Variants in ARHGAP18 observed in about 807,000 individuals in gnomAD.
The protein encoded by ARHGAP18 is rho GTPase-activating protein 18.
Under a neutral mutation model 86.2 loss-of-function variants are expected in ARHGAP18, and 67 were observed. That is an observed-to-expected ratio of 0.78 (90% CI 0.64 to 0.95). The LOEUF is 0.95. Ranked by LOEUF, ARHGAP18 falls within the 40% of genes least tolerant of loss-of-function variation. The pLI, the probability that ARHGAP18 is intolerant of heterozygous loss-of-function variation, is 0.00. For synonymous variants in ARHGAP18, 283 were observed against 280.4 expected, an observed-to-expected ratio of 1.01 and a Z score of -0.09; for missense variants, 691 against 780.4, an observed-to-expected ratio of 0.89 and a Z score of 1.37.
intron 1 of ARHGAP18, among the ~76,000 whole-genome samples, chr6:129,652,142 C>A (rs1175733526): frequency 6.6e-6 from 1 of 152,206 alleles, no homozygotes; most frequent in East Asian, 1.9e-4. Flanking sequence ...ACTGAGACAC[C>A]CTTCCTGGCA....
At chr6:129,612,147 C>G (rs1353189510) in intron 7 of ARHGAP18, among the ~76,000 whole-genome samples, 1 of 152,170 alleles carries the variant, frequency 6.6e-6, no homozygotes. Flanking sequence ...AATGAATACG[C>G]TGATCTAACT....
At chr6:129,668,385 CACACACACACACACAG>C (rs1168316437) in intron 1 of ARHGAP18, among the ~76,000 whole-genome samples, 7 of 151,010 alleles carry the variant, frequency 4.6e-5, no homozygotes, top group South Asian at 2.1e-4. Context: ...CACACACACA[CACACACACACACACAG>C]ACACACACAC....
At chr6:129,644,357 A>T (rs1198496543) in intron 1 of ARHGAP18, among the ~76,000 whole-genome samples, 6 of 152,192 alleles carry the variant, frequency 3.9e-5, no homozygotes, top group Non-Finnish European at 7.3e-5. Flanking sequence ...CATGTAAATG[A>T]GAAAGTCATC....
rs746819538 is a variant in ARHGAP18 at position 129,618,768 on chromosome 6, C to T, written c.871G>A (p.Ala291Thr). 1.2e-6 allele frequency: 2 copies of T among 1,613,754 alleles called. No homozygotes were observed. Among genetic ancestry groups the T allele is most frequent in the Non-Finnish European group, 1.7e-6 (2 of 1,179,912 alleles). ...PQDMKKVCHLALIELTALYDV... is the reference protein window; with the variant it reads ...PQDMKKVCHLTLIELTALYDV... ...TAGAGGGCAGTCAGCTCAATTAGGG[C>T]TAAATGGCAAACTTTCTTCATGTCC... The change falls in exon 6 of 15, where the codon GCC becomes ACC. Residue 291 changes from alanine to threonine, a missense_variant. Ala to Thr is a moderately conservative substitution (Grantham distance 58). Transcript: ENST00000368149.
At chr6:129,666,696 A>T (rs1246280218) in intron 1 of ARHGAP18, among the ~76,000 whole-genome samples, 1 of 152,184 alleles carries the variant, frequency 6.6e-6, no homozygotes, top group East Asian at 1.9e-4. Flanking sequence ...ACTGATTTAC[A>T]TCCTGACTAT....
chr6:129,618,793 C>G lies in ARHGAP18; in HGVS notation c.846G>C (p.Gln282His). 18 of 1,613,610 alleles carry G rather than the reference C, an allele frequency of 1.1e-5. No homozygotes were observed. Among genetic ancestry groups the G allele is most frequent in the Non-Finnish European group, 1.4e-5 (17 of 1,179,910 alleles). ...GTTRIGDLAP[Q>H]DMKKVCHLAL... is the part of the protein sequence containing the mutation. The stretch of plus-strand genomic sequence containing the variant: ...CTAAATGGCAAACTTTCTTCATGTC[C>G]TGGGGTGCGAGGTCACCAATCCTTG... Residue 282 changes from glutamine (Q) to histidine (H), a missense_variant, in exon 6 of 15, where the codon CAG (glutamine) becomes CAC (histidine). Coordinates refer to ENST00000368149, the MANE Select transcript of ARHGAP18 (RefSeq NM_033515.3).
chr6:129,638,761 A>T (rs1015321012), intron 2 of ARHGAP18, 132 bp from the exon 3 acceptor site: 3 of 788,962 alleles, frequency 3.8e-6, no homozygotes, highest in Middle Eastern at 2.9e-4. Flanking sequence ...ATTATCTAAA[A>T]CTTGGACAAC....
At chr6:129,650,912 C>T (rs1773698130) in intron 1 of ARHGAP18, among the ~76,000 whole-genome samples, 1 of 152,176 alleles carries the variant, frequency 6.6e-6, no homozygotes, top group South Asian at 2.1e-4. Flanking sequence ...AATAAGCTTG[C>T]TTCTGCAGCC....
chr6:129,697,945 G>C (rs540882895), intron 1 of ARHGAP18, among the ~76,000 whole-genome samples: 1 of 152,230 alleles, frequency 6.6e-6, no homozygotes, highest in East Asian at 1.9e-4. Flanking sequence ...TATAGAATAC[G>C]TTGATCGAGT....
intron 1 of ARHGAP18, among the ~76,000 whole-genome samples, chr6:129,706,788 G>A (rs1019687379): frequency 1.4e-5 from 2 of 147,998 alleles, no homozygotes; most frequent in Admixed American, 1.4e-4. Context: ...TTGGGAGGCT[G>A]AAGCAGGAGA....
chr6:129,705,864 T>C (rs1348259849), intron 1 of ARHGAP18, among the ~76,000 whole-genome samples: 1 of 152,194 alleles, frequency 6.6e-6, no homozygotes, highest in Non-Finnish European at 1.5e-5. Flanking sequence ...GTCACACTGC[T>C]AATGAATGAG....
intron 7 of ARHGAP18, among the ~76,000 whole-genome samples, chr6:129,615,630 C>T (rs9398909): frequency 0.44 from 66,243 of 152,022 alleles, 14,770 homozygotes; most frequent in Middle Eastern, 0.49. Context: ...TGTGCATTCC[C>T]TAGCTTTTCT....
intron 1 of ARHGAP18, among the ~76,000 whole-genome samples, chr6:129,706,778 T>C (rs1280134717): frequency 1.3e-5 from 2 of 149,724 alleles, no homozygotes; most frequent in South Asian, 2.1e-4. Context: ...TCCCAGCTGC[T>C]TGGGAGGCTG....
chr6:129,627,914 CTT>C (rs1215390326), intron 5 of ARHGAP18, among the ~76,000 whole-genome samples: 18 of 152,058 alleles, frequency 1.2e-4, no homozygotes, highest in Admixed American at 1.1e-3. Flanking sequence ...AAAATCCCCT[CTT>C]TGTCTTTTAG....
intron 9 of ARHGAP18, among the ~76,000 whole-genome samples, chr6:129,606,801 A>G (rs756523061): frequency 3.3e-5 from 5 of 151,924 alleles, no homozygotes; most frequent in Admixed American, 6.6e-5. Flanking sequence ...CCATCTCAAT[A>G]TTGTATGTGT....
At chr6:129,579,474 A>G (rs2114422159) in intron 14 of ARHGAP18, among the ~76,000 whole-genome samples, 1 of 152,202 alleles carries the variant, frequency 6.6e-6, no homozygotes, top group African/African-American at 2.4e-5. Flanking sequence ...TACCCTTACC[A>G]TTTCCAAGAG....
At chr6:129,640,731 G>A (rs1773440382) in intron 2 of ARHGAP18, among the ~76,000 whole-genome samples, 1 of 152,196 alleles carries the variant, frequency 6.6e-6, no homozygotes, top group Non-Finnish European at 1.5e-5. Context: ...AGAAGTCATT[G>A]TGTTGAGAAG....
intron 1 of ARHGAP18, among the ~76,000 whole-genome samples, chr6:129,709,648 C>T (rs1295477312): frequency 6.6e-6 from 1 of 152,222 alleles, no homozygotes; most frequent in Non-Finnish European, 1.5e-5. Flanking sequence ...ACTTTCCCAG[C>T]GAACAGTTCC....
intron 3 of ARHGAP18, among the ~76,000 whole-genome samples, chr6:129,636,955 C>G (rs1262216789): frequency 1.3e-5 from 2 of 152,214 alleles, no homozygotes; most frequent in Non-Finnish European, 2.9e-5. Context: ...TTTATATTCT[C>G]TGTAAGCTCC....
Sources: allele counts gnomAD v4.1 joint callset (sites outside exome capture counted in the v4.1 genomes callset), GRCh38; gene constraint gnomAD v4.1.1; transcripts MANE v1.5; gene names NCBI Gene and HGNC (gene_info 2026-07-23, HGNC 2026-07-21).